CLYBL: variants seen among roughly 807,000 people sequenced by gnomAD.
CLYBL encodes citramalyl-CoA lyase, mitochondrial.
Under a neutral mutation model 38.9 loss-of-function variants are expected in CLYBL, and 31 were observed. That is an observed-to-expected ratio of 0.80 (90% CI 0.60 to 1.08). CLYBL has a LOEUF of 1.08. Among genes scored for constraint, CLYBL ranks in the 50% least tolerant of loss-of-function variants. CLYBL has a pLI of 0.00. For missense variants in CLYBL, 434 were observed against 411.6 expected (o/e 1.05, Z -0.47); for synonymous variants, 171 against 158.6 (o/e 1.08, Z -0.59).
rs71121010 is a variant in CLYBL, at chr13:99,784,449, C to CTCTTT, written c.249+11440_249+11441insCTTTT. Among the ~76,000 whole-genome samples the CTCTTT allele has an allele frequency of 1.4e-3, 75 of 52,114 alleles. 1 individual carries two copies. Among genetic ancestry groups the CTCTTT allele is most frequent in the Non-Finnish European group, 2.5e-3 (65 of 26,212 alleles). 34.2% of individuals were successfully genotyped at this position (52,114 alleles called of 152,430 possible). A position where few individuals can be genotyped will look rare whatever the true frequency, so the allele number is the denominator to read the frequency against. On this transcript the variant is annotated intron_variant, in intron 2 of 8. Coordinates refer to ENST00000339105, the MANE Select transcript of CLYBL (RefSeq NM_206808.5). The stretch of plus-strand genomic sequence containing the variant: ...TTCCTCTGCTTCTGGAAAATTCTCT[C>CTCTTT]TTTTTTTTTTTTTTTTTTTTTTTGA...
chr13:99,759,376 A>G (rs1001728141), intron 1 of CLYBL, among the ~76,000 whole-genome samples: 2 of 152,196 alleles, frequency 1.3e-5, no homozygotes, highest in African/African-American at 2.4e-5. Context: ...CAAAGGAGAG[A>G]GGGAATAAAA....
intron 1 of CLYBL, among the ~76,000 whole-genome samples, chr13:99,681,371 G>GA (rs939405095): frequency 5.9e-5 from 9 of 151,988 alleles, no homozygotes; most frequent in African/African-American, 2.2e-4. Flanking sequence ...ATGGTTCACG[G>GA]AAAAAATACA....
At chr13:99,898,943 C>G (rs1404587226), downstream of CLYBL, among the ~76,000 whole-genome samples, 5 of 152,188 alleles carry the variant, frequency 3.3e-5, no homozygotes, top group African/African-American at 1.2e-4. Flanking sequence ...CCTCTCATCC[C>G]CAGCATGAGC....
intron 1 of CLYBL, among the ~76,000 whole-genome samples, chr13:99,697,845 A>G (rs2048003609): frequency 6.6e-6 from 1 of 151,684 alleles, no homozygotes; most frequent in African/African-American, 2.4e-5. Flanking sequence ...ATGGGGTTTC[A>G]CCATGTTGGC....
chr13:99,821,632 T>C (rs1355921046), intron 2 of CLYBL, among the ~76,000 whole-genome samples: 1 of 152,258 alleles, frequency 6.6e-6, no homozygotes, highest in Non-Finnish European at 1.5e-5. Context: ...CCCAATGGTA[T>C]TGAGTCCAGA....
At chr13:99,774,417 C>A (rs974343890) in intron 2 of CLYBL, among the ~76,000 whole-genome samples, 3 of 152,082 alleles carry the variant, frequency 2.0e-5, no homozygotes, top group African/African-American at 7.2e-5. Flanking sequence ...CAATAACTTA[C>A]ATTTGCATGG....
At chr13:99,738,891 C>CA (rs2048707589) in intron 1 of CLYBL, among the ~76,000 whole-genome samples, 1 of 152,124 alleles carries the variant, frequency 6.6e-6, no homozygotes, top group Admixed American at 6.6e-5. Flanking sequence ...GTTGGACACT[C>CA]AGCTGTGACT....
At chr13:99,707,080 C>T (rs995855670) in intron 1 of CLYBL, among the ~76,000 whole-genome samples, 1 of 152,146 alleles carries the variant, frequency 6.6e-6, no homozygotes, top group Non-Finnish European at 1.5e-5. Context: ...TAGAAGCTTA[C>T]AGAACCTTGA....
At position 99,869,081 on chromosome 13, in the gene CLYBL, T is replaced by C. The variant is rs142645127; in HGVS notation, c.803-1857T>C. Among the ~76,000 whole-genome samples the C allele has an allele frequency of 4.2e-3, 635 of 152,300 alleles. 3 individuals are homozygous for C. Among genetic ancestry groups the C allele is most frequent in the African/African-American group, 0.014 (585 of 41,570 alleles). On this transcript the variant is annotated intron_variant, in intron 6 of 8. Transcript: ENST00000339105. This position sits in a 1 kb window ranked among gnomAD's most constrained non-coding sequence, Gnocchi z 4.3. ...CTGGTTCCCACATGCCATTAAAGTCTGCTATACAGTTGTTGGAATATATAA... is the reference window on the plus strand; with the variant it reads ...CTGGTTCCCACATGCCATTAAAGTCCGCTATACAGTTGTTGGAATATATAA...
At chr13:99,694,593 T>C (rs2047952236) in intron 1 of CLYBL, among the ~76,000 whole-genome samples, 1 of 152,146 alleles carries the variant, frequency 6.6e-6, no homozygotes, top group African/African-American at 2.4e-5. Context: ...CTGTGTTGTA[T>C]CATGTGGGGT....
chr13:99,663,427 C>T (rs2047436753), intron 1 of CLYBL, among the ~76,000 whole-genome samples: 2 of 152,198 alleles, frequency 1.3e-5, no homozygotes, highest in Non-Finnish European at 2.9e-5. Flanking sequence ...CCCATTGCTG[C>T]CCATCCCCAT....
intron 1 of CLYBL, among the ~76,000 whole-genome samples, chr13:99,771,012 G>A (rs1294238665): frequency 6.9e-6 from 1 of 144,538 alleles, no homozygotes; most frequent in African/African-American, 2.6e-5. Flanking sequence ...AAGCCACCAC[G>A]CGGGGCCCTT....
intron 1 of CLYBL, among the ~76,000 whole-genome samples, chr13:99,614,622 G>A (rs1178640962): frequency 1.3e-5 from 2 of 152,092 alleles, no homozygotes; most frequent in Non-Finnish European, 2.9e-5. Flanking sequence ...CCTGCTGAAC[G>A]GCCTCACCTT....
At chr13:99,907,781 G>C (rs988415610) in intron 9 of CLYBL, among the ~76,000 whole-genome samples, 3 of 152,176 alleles carry the variant, frequency 2.0e-5, no homozygotes, top group African/African-American at 7.2e-5. Context: ...ATCAGTTTGA[G>C]CTCAGGAGTT....
rs1378406292 is a variant in CLYBL, at chr13:99,606,745, C to CGCT, written c.55_57dup (p.Leu19dup). On this transcript the variant is annotated inframe_insertion, in exon 1 of 9. Coordinates refer to ENST00000339105, the MANE Select transcript of CLYBL (RefSeq NM_206808.5). Reference sequence around the variant, plus strand: ...GCGGCGCGCGGAGCTGCGGCGGCGGCGCTGCTGAGGCTGTGAGTGCAGGTC... The same window carrying CGCT: ...GCGGCGCGCGGAGCTGCGGCGGCGGCGCTGCTGCTGAGGCTGTGAGTGCAGGTC... 25 of 1,482,268 alleles carry CGCT rather than the reference C, an allele frequency of 1.7e-5. No homozygotes were observed. The highest frequency in any genetic ancestry group is 4.4e-5 in the African/African-American group (3 of 68,090). 91.8% of individuals were successfully genotyped at this position (1,482,268 alleles called of 1,614,324 possible). A position where few individuals can be genotyped will look rare whatever the true frequency, so the allele number is the denominator to read the frequency against.
Position 99,749,711 on chromosome 13 carries a change from G to A in CLYBL, c.63-23113G>A, listed in dbSNP as rs9557287. Reference sequence around the variant, plus strand: ...CTTCTCGGCCTTCCTGAAGCAGGCTGCACGCTTATTTATATTGGCACCACA... The same window carrying A: ...CTTCTCGGCCTTCCTGAAGCAGGCTACACGCTTATTTATATTGGCACCACA... On this transcript the variant is annotated intron_variant, in intron 1 of 8. Transcript: ENST00000339105. Among the ~76,000 whole-genome samples, 540 of 152,326 alleles carry A rather than the reference G, an allele frequency of 3.5e-3. 11 individuals carry two copies. The highest frequency in any genetic ancestry group is 0.032 in the East Asian group (168 of 5,188).
chr13:99,634,100 T>C (rs995365828), intron 1 of CLYBL, among the ~76,000 whole-genome samples: 1 of 151,578 alleles, frequency 6.6e-6, no homozygotes, highest in African/African-American at 2.4e-5. Flanking sequence ...AATCCAAAAA[T>C]AAGAAAGTCC....
chr13:99,651,009 C>G (rs1315628496), intron 1 of CLYBL, among the ~76,000 whole-genome samples: 1 of 152,190 alleles, frequency 6.6e-6, no homozygotes, highest in East Asian at 1.9e-4. Context: ...ATGGCTCATG[C>G]TGCTGCTTCT....
In CLYBL at chr13:99,754,075, G is replaced by A. The variant is rs188555967; in HGVS notation, c.63-18749G>A. ...GCACTCCAGCCTGGGCGACAAGAGC[G>A]AAACTCGGTCTCAAAAAAAAAAAAA... is the stretch of plus-strand genomic sequence containing the variant. On this transcript the variant is annotated intron_variant, in intron 1 of 8. Coordinates refer to ENST00000339105, the MANE Select transcript of CLYBL (RefSeq NM_206808.5). Among the ~76,000 whole-genome samples, 377 of 89,158 alleles carry A rather than the reference G, an allele frequency of 4.2e-3. 1 individual carries two copies. The highest frequency in any genetic ancestry group is 0.016 in the African/African-American group (355 of 22,130). The allele number at this position is 89,158 out of a possible 152,430, so 58.5% of individuals were successfully genotyped here. A position where few individuals can be genotyped will look rare whatever the true frequency, so the allele number is the denominator to read the frequency against.
Sources: allele counts gnomAD v4.1 joint callset (sites outside exome capture counted in the v4.1 genomes callset), GRCh38; gene constraint gnomAD v4.1.1; non-coding constraint Gnocchi (gnomAD v3.1); transcripts MANE v1.5; gene names NCBI Gene and HGNC (gene_info 2026-07-23, HGNC 2026-07-21).